CADPS: variants seen among roughly 807,000 people sequenced by gnomAD.
CADPS encodes calcium dependent secretion activator, also known as calcium-dependent secretion activator 1.
Under a neutral mutation model 167.3 loss-of-function variants are expected in CADPS, and 57 were observed. The observed-to-expected ratio is 0.34, with a 90% CI of 0.28 to 0.42. The LOEUF is 0.42. Among genes scored for constraint, CADPS ranks in the 20% least tolerant of loss-of-function variants. CADPS has a pLI of 1.00. For synonymous variants in CADPS, 676 were observed against 635.3 expected (o/e 1.06, Z -0.96); for missense variants, 1,414 against 1,738.1 (o/e 0.81, Z 3.32).
intron 26 of CADPS, among the ~76,000 whole-genome samples, chr3:62,452,206 T>TC (rs1443593307): frequency 6.6e-6 from 1 of 152,196 alleles, no homozygotes; most frequent in African/African-American, 2.4e-5. Flanking sequence ...AAAGGCATAG[T>TC]CCCTGGGCAT....
At chr3:62,574,923 CTT>C (rs2081993475) in intron 8 of CADPS, among the ~76,000 whole-genome samples, 1 of 152,154 alleles carries the variant, frequency 6.6e-6, no homozygotes, top group Non-Finnish European at 1.5e-5. Flanking sequence ...CAAACAATAA[CTT>C]AAATATGTGA....
chr3:62,828,050 T>C (rs1026439649), intron 1 of CADPS, among the ~76,000 whole-genome samples: 1 of 152,180 alleles, frequency 6.6e-6, no homozygotes, highest in African/African-American at 2.4e-5. Flanking sequence ...ACTGCTTCAT[T>C]GTGTGGGACT....
At chr3:62,608,015 G>A (rs1471381440) in intron 6 of CADPS, among the ~76,000 whole-genome samples, 1 of 152,176 alleles carries the variant, frequency 6.6e-6, no homozygotes, top group Admixed American at 6.5e-5. Context: ...CCTGGAGCCA[G>A]AGAGTTGTTC....
Position 62,633,717 on chromosome 3 carries a change from C to G in CADPS, c.1325+12005G>C, listed in dbSNP as rs548601472. Reference sequence around the variant, plus strand: ...TGGTAAATCTCCACCAAATCACCACCCTACATCTTTGCTTCACAGCAGTGG... The same window carrying G: ...TGGTAAATCTCCACCAAATCACCACGCTACATCTTTGCTTCACAGCAGTGG... On this transcript the variant is annotated intron_variant, in intron 6 of 29. Coordinates refer to ENST00000383710, the MANE Select transcript of CADPS (RefSeq NM_003716.4). Among the ~76,000 whole-genome samples, 7 of 152,248 alleles carry G rather than the reference C, an allele frequency of 4.6e-5. No individual in the cohort carries two copies. In the South Asian group the frequency reaches 1.5e-3, roughly 32 times the overall value.
chr3:62,778,380 A>G (rs2090836293), intron 1 of CADPS, among the ~76,000 whole-genome samples: 1 of 152,150 alleles, frequency 6.6e-6, no homozygotes, highest in South Asian at 2.1e-4. Context: ...CCGCTGATGC[A>G]TTTTTAAGCT....
intron 1 of CADPS, among the ~76,000 whole-genome samples, chr3:62,806,577 T>C (rs2152837474): frequency 6.6e-6 from 1 of 152,204 alleles, no homozygotes; most frequent in South Asian, 2.1e-4. Context: ...TCTCACTTAG[T>C]CCTGACAATA....
chr3:62,658,157 C>T (rs923064028), intron 4 of CADPS, among the ~76,000 whole-genome samples: 3 of 152,166 alleles, frequency 2.0e-5, no homozygotes, highest in African/African-American at 7.2e-5. Flanking sequence ...AATTAGACAA[C>T]TCAGTTTTCT....
Position 62,455,042 on chromosome 3 carries a change from A to C in CADPS, c.3637-9245T>G, listed in dbSNP as rs1167860406. ...TCTGATTAGGAGCCGCAGCCTCATT[A>C]ACGATGAGAATTGTTCTCATCTCCT... On this transcript the variant is annotated intron_variant, in intron 26 of 29. Transcript: ENST00000383710. The surrounding 1 kb of genome is among the most constrained non-coding windows in gnomAD (Gnocchi z 4.4). 6.6e-6 allele frequency among the ~76,000 whole-genome samples: 1 copy of C among 152,088 alleles called. No homozygotes were observed. The highest frequency in any genetic ancestry group is 2.4e-5 in the African/African-American group (1 of 41,406).
intron 6 of CADPS, among the ~76,000 whole-genome samples, chr3:62,618,711 C>A (rs1046131156): frequency 6.6e-6 from 1 of 152,182 alleles, no homozygotes; most frequent in Non-Finnish European, 1.5e-5. Flanking sequence ...GGCACTACTG[C>A]ATTATTTGAA....
chr3:62,750,993 C>A (rs73102272), intron 3 of CADPS, among the ~76,000 whole-genome samples: 11,075 of 152,146 alleles, frequency 0.073, 547 homozygotes, highest in Admixed American at 0.12. Flanking sequence ...CACACTTCTG[C>A]GTATCTACTT....
chr3:62,407,312 T>C (rs1382315396), intron 28 of CADPS, among the ~76,000 whole-genome samples: 4 of 152,228 alleles, frequency 2.6e-5, no homozygotes, highest in African/African-American at 7.2e-5. Context: ...GCATGCCTTA[T>C]AGGACACACA....
chr3:62,535,418 T>A (rs1019989603), intron 12 of CADPS, among the ~76,000 whole-genome samples: 1 of 151,594 alleles, frequency 6.6e-6, no homozygotes, highest in African/African-American at 2.4e-5. Context: ...ATTTTTTATA[T>A]CTTGGCTTTT....
chr3:62,477,885 T>C (rs979761273), intron 23 of CADPS: 3 of 197,210 alleles, frequency 1.5e-5, no homozygotes, highest in African/African-American at 6.9e-5. Flanking sequence ...GAATTGCATA[T>C]TCTTCTTTTT....
chr3:62,467,579 T>A (rs1355720488), intron 24 of CADPS, among the ~76,000 whole-genome samples: 23 of 152,082 alleles, frequency 1.5e-4, no homozygotes. Context: ...CTGGATAAAG[T>A]CCCAGTGCAA....
intron 10 of CADPS, among the ~76,000 whole-genome samples, chr3:62,552,282 G>C (rs1345447702): frequency 6.6e-6 from 1 of 151,512 alleles, no homozygotes; most frequent in African/African-American, 2.4e-5. Flanking sequence ...AATGTTAAAT[G>C]ACGAGTTAAT....
In CADPS at chr3:62,432,865, C is replaced by T. The variant is rs569845019; in HGVS notation, c.3777+5239G>A. ...TAAGTCCCATTCAGGGCACTCACGT[C>T]TGCTTATTGCTTAGAGAGGAGATAA... On this transcript the variant is annotated intron_variant, in intron 28 of 29. Transcript: ENST00000383710. Among the ~76,000 whole-genome samples, 439 of 152,286 alleles carry T rather than the reference C, an allele frequency of 2.9e-3. 3 individuals carry two copies. Among genetic ancestry groups the T allele is most frequent in the African/African-American group, 0.01 (419 of 41,558 alleles).
chr3:62,562,607 T>A (rs2079376510), intron 9 of CADPS, among the ~76,000 whole-genome samples: 1 of 152,200 alleles, frequency 6.6e-6, no homozygotes, highest in Non-Finnish European at 1.5e-5. Flanking sequence ...AGTGCTGGGA[T>A]TATAGATATA....
intron 28 of CADPS, among the ~76,000 whole-genome samples, chr3:62,437,077 A>G (rs2055241607): frequency 6.6e-6 from 1 of 152,048 alleles, no homozygotes; most frequent in Admixed American, 6.6e-5. Flanking sequence ...AGAAACATGG[A>G]TTCCATAGTA....
intron 9 of CADPS, among the ~76,000 whole-genome samples, chr3:62,563,185 T>G: frequency 6.6e-6 from 1 of 151,422 alleles, no homozygotes; most frequent in African/African-American, 2.4e-5. Context: ...AGACTATATC[T>G]GATAACCAGA....
Sources: gnomAD v4.1 joint callset for allele counts (sites outside exome capture counted in the v4.1 genomes callset) on GRCh38, gnomAD v4.1.1 for gene constraint, Gnocchi (gnomAD v3.1) non-coding constraint, MANE v1.5 for transcripts, NCBI Gene and HGNC (gene_info 2026-07-23, HGNC 2026-07-21) for gene names.